Variants in GPR137C observed in about 807,000 individuals in gnomAD.
The protein encoded by GPR137C is integral membrane protein GPR137C.
GPR137C carries 27 observed loss-of-function variants against 43.4 expected under a neutral mutation model. The observed-to-expected ratio is 0.62, with a 90% CI of 0.46 to 0.86. The LOEUF is 0.86. Among genes scored for constraint, GPR137C ranks in the 40% least tolerant of loss-of-function variants. GPR137C has a pLI of 0.00. For synonymous variants in GPR137C, 285 were observed against 226.9 expected (o/e 1.26, Z -2.30); for missense variants, 522 against 534.6 (o/e 0.98, Z 0.23).
At chr14:52,592,076 T>C (rs2038791824) in intron 1 of GPR137C, among the ~76,000 whole-genome samples, 1 of 152,234 alleles carries the variant, frequency 6.6e-6, no homozygotes, top group Non-Finnish European at 1.5e-5. Context: ...ATTTATTACA[T>C]AGGGAATCCT....
At chr14:52,596,106 G>A (rs1398435061) in intron 1 of GPR137C, among the ~76,000 whole-genome samples, 2 of 152,194 alleles carry the variant, frequency 1.3e-5, no homozygotes, top group Non-Finnish European at 2.9e-5. Context: ...GAGTTTGCTA[G>A]AGGTCCACTT....
chr14:52,604,929 A>G (rs2038967722), intron 3 of GPR137C, among the ~76,000 whole-genome samples: 1 of 152,130 alleles, frequency 6.6e-6, no homozygotes, highest in Non-Finnish European at 1.5e-5. Flanking sequence ...GTCTGTTTTT[A>G]TGCCAGTACC....
intron 1 of GPR137C, among the ~76,000 whole-genome samples, chr14:52,569,313 G>A (rs1347888463): frequency 1.3e-5 from 2 of 151,812 alleles, no homozygotes; most frequent in Admixed American, 6.6e-5. Flanking sequence ...CCAAAGGTAG[G>A]TAAATCCATG....
intron 3 of GPR137C, among the ~76,000 whole-genome samples, chr14:52,616,149 C>G (rs1242862957): frequency 6.6e-6 from 1 of 152,144 alleles, no homozygotes; most frequent in Non-Finnish European, 1.5e-5. Context: ...AAGAAAATTT[C>G]TGTTTGGATT....
At chr14:52,569,528 G>A (rs1372335631) in intron 1 of GPR137C, among the ~76,000 whole-genome samples, 34 of 151,906 alleles carry the variant, frequency 2.2e-4, no homozygotes, top group Non-Finnish European at 1.6e-4. Flanking sequence ...CCCAATGCAA[G>A]GAAGCTAAGA....
chr14:52,596,704 A>G (rs2038860826), intron 1 of GPR137C, among the ~76,000 whole-genome samples: 1 of 152,152 alleles, frequency 6.6e-6, no homozygotes, highest in African/African-American at 2.4e-5. Flanking sequence ...ACGAGAGTGT[A>G]CCATTCCTCC....
intron 1 of GPR137C, among the ~76,000 whole-genome samples, chr14:52,556,454 C>CT (rs2038195899): frequency 7.0e-6 from 1 of 142,946 alleles, no homozygotes; most frequent in Non-Finnish European, 1.5e-5. Context: ...GTAGCCCTTT[C>CT]TTAAACAGTT....
At chr14:52,619,220 C>T (rs1023164207) in intron 3 of GPR137C, among the ~76,000 whole-genome samples, 6 of 152,140 alleles carry the variant, frequency 3.9e-5, no homozygotes, top group South Asian at 2.1e-4. Flanking sequence ...ATACAGCTAA[C>T]GCAATGGTTT....
At chr14:52,625,481 C>CAAAAAA (rs531582064) in intron 3 of GPR137C, among the ~76,000 whole-genome samples, 1 of 44,804 alleles carries the variant, frequency 2.2e-5, no homozygotes, top group African/African-American at 8.4e-5. Context: ...GACTCCATCC[C>CAAAAAA]AAAAAAAAAA....
rs367586524 is a variant in GPR137C at position 52,584,476 on chromosome 14, A to G, written c.445-13796A>G. Among the ~76,000 whole-genome samples the G allele has an allele frequency of 1.5e-3, 229 of 152,282 alleles. 1 individual carries two copies. Among genetic ancestry groups the G allele is most frequent in the African/African-American group, 5.4e-3 (225 of 41,572 alleles). ...TCCTCACAGAAGTATTCTTCGTGTA[A>G]GGTTACGGTGACTTTTGTGCATGTT... On this transcript the variant is annotated intron_variant, in intron 1 of 6. Transcript: ENST00000321662.
At position 52,568,633 on chromosome 14, in the gene GPR137C, G is replaced by A. The variant is rs544772119; in HGVS notation, c.444+15042G>A. 2.0e-5 allele frequency among the ~76,000 whole-genome samples: 3 copies of A among 152,308 alleles called. No individual in the cohort carries two copies. The East Asian group carries it at 5.8e-4, about 29-fold the overall frequency. On this transcript the variant is annotated intron_variant, in intron 1 of 6. Coordinates refer to ENST00000321662, the MANE Select transcript of GPR137C (RefSeq NM_001099652.2). ...GGGAGGGGGCATCCGCAATTACTGTGTAGAGTAGGCGATTTTCCCCTCAGG... is the reference window on the plus strand; with the variant it reads ...GGGAGGGGGCATCCGCAATTACTGTATAGAGTAGGCGATTTTCCCCTCAGG...
intron 1 of GPR137C, among the ~76,000 whole-genome samples, chr14:52,585,942 G>T (rs1031824315): frequency 6.6e-6 from 1 of 152,182 alleles, no homozygotes; most frequent in Non-Finnish European, 1.5e-5. Context: ...TTTGCTGTGA[G>T]TCTCAAAGCC....
chr14:52,605,712 G>A (rs2038976513), intron 3 of GPR137C, among the ~76,000 whole-genome samples: 1 of 152,100 alleles, frequency 6.6e-6, no homozygotes, highest in Non-Finnish European at 1.5e-5. Context: ...TCTTGCTGAG[G>A]TATGTTCTGT....
rs116017373 is a variant in GPR137C at position 52,593,289 on chromosome 14, T to G, written c.445-4983T>G. 6.5e-3 allele frequency among the ~76,000 whole-genome samples: 996 copies of G among 152,284 alleles called. 10 individuals are homozygous for G. The highest frequency in any genetic ancestry group is 0.023 in the African/African-American group (944 of 41,542). On this transcript the variant is annotated intron_variant, in intron 1 of 6. Transcript: ENST00000321662. ...TTTATTAGGGATATTGATCTAAAAT[T>G]TTCCTTTTTTGTTGTGTCTCTGCCA...
intron 1 of GPR137C, among the ~76,000 whole-genome samples, chr14:52,554,798 A>G (rs572415698): frequency 6.6e-6 from 1 of 152,316 alleles, no homozygotes; most frequent in Non-Finnish European, 1.5e-5. Flanking sequence ...AGTAGAATGC[A>G]TAATTTTATA....
At chr14:52,575,945 C>T (rs1164947010) in intron 1 of GPR137C, among the ~76,000 whole-genome samples, 2 of 152,174 alleles carry the variant, frequency 1.3e-5, no homozygotes, top group Non-Finnish European at 2.9e-5. Context: ...CTTAGTCTCT[C>T]ACTAAGAAGT....
chr14:52,618,876 A>G (rs2039128932), intron 3 of GPR137C, among the ~76,000 whole-genome samples: 1 of 152,120 alleles, frequency 6.6e-6, no homozygotes, highest in Admixed American at 6.5e-5. Context: ...CCAATCAAAG[A>G]ATGGGTAGGA....
intron 3 of GPR137C, chr14:52,612,297 G>A: frequency 1.1e-6 from 1 of 902,188 alleles, no homozygotes; most frequent in South Asian, 5.1e-5. Context: ...ACTAGTAAAG[G>A]ATTTTCTCAT....
intron 3 of GPR137C, among the ~76,000 whole-genome samples, chr14:52,623,194 C>T (rs2039180344): frequency 6.6e-6 from 1 of 151,834 alleles, no homozygotes; most frequent in Non-Finnish European, 1.5e-5. Context: ...TACATTCATT[C>T]ATTTGTAAGA....
Sources: allele counts gnomAD v4.1 joint callset (sites outside exome capture counted in the v4.1 genomes callset), GRCh38; gene constraint gnomAD v4.1.1; transcripts MANE v1.5; gene names NCBI Gene and HGNC (gene_info 2026-07-23, HGNC 2026-07-21).